FOLH1: variants seen among roughly 807,000 people sequenced by gnomAD.
FOLH1 encodes the protein folate hydrolase 1.
FOLH1 carries 54 observed loss-of-function variants against 93.9 expected under a neutral mutation model. That is an observed-to-expected ratio of 0.57 (90% CI 0.46 to 0.72). The LOEUF (loss-of-function observed/expected upper bound fraction) is 0.72. Among genes scored for constraint, FOLH1 ranks in the 30% least tolerant of loss-of-function variants. The pLI is 0.00. For missense variants in FOLH1, 571 were observed against 892.5 expected (o/e 0.64, Z 4.59); for synonymous variants, 249 against 303.6 (o/e 0.82, Z 1.87).
At chr11:49,151,334 C>T (rs1487926284) in intron 17 of FOLH1, among the ~76,000 whole-genome samples, 1 of 152,138 alleles carries the variant, frequency 6.6e-6, no homozygotes, top group Non-Finnish European at 1.5e-5. Context: ...CAATGGGTTT[C>T]GGAATCAAAT....
intron 17 of FOLH1, 51 bp from the exon 18 acceptor site, chr11:49,148,782 T>C (rs202694): frequency 0.88 from 1,283,053 of 1,450,994 alleles, 567,901 homozygotes; most frequent in South Asian, 0.95. Context: ...ATGTTTCTAC[T>C]CAGAAAATAA....
At chr11:49,170,976 G>T in intron 11 of FOLH1, among the ~76,000 whole-genome samples, 1 of 152,118 alleles carries the variant, frequency 6.6e-6, no homozygotes, top group Non-Finnish European at 1.5e-5. Context: ...TTTGACAATT[G>T]ACATTAAGTG....
Position 49,192,840 on chromosome 11 carries a change from C to G in FOLH1, c.466G>C (p.Asp156His). Residue 156 changes from aspartate to histidine, a missense_variant, in exon 4 of 19, where the codon GAT becomes CAT. Transcript: ENST00000256999. Reference protein sequence around the residue: ...PPPPGYENVSDIVPPFSAFSP... With the variant: ...PPPPGYENVSHIVPPFSAFSP... The stretch of plus-strand genomic sequence containing the variant: ...AAAGCACTGAAAGGTGGTACAATAT[C>G]CGAAACATTTTCATATCCTGGAGGA... The G allele has an allele frequency of 6.2e-7, 1 of 1,606,254 alleles. No homozygotes were observed. Among genetic ancestry groups the G allele is most frequent in the Non-Finnish European group, 8.5e-7 (1 of 1,175,736 alleles).
chr11:49,159,122 T>C (rs1193955843), intron 13 of FOLH1, among the ~76,000 whole-genome samples: 1 of 152,214 alleles, frequency 6.6e-6, no homozygotes, highest in Non-Finnish European at 1.5e-5. Context: ...TGAGCTTTAT[T>C]TTTTTATCTT....
chr11:49,166,619 G>A (rs1462764291), intron 12 of FOLH1, among the ~76,000 whole-genome samples: 1 of 152,162 alleles, frequency 6.6e-6, no homozygotes, highest in Non-Finnish European at 1.5e-5. Context: ...AGAGTAGTTT[G>A]CATTGGGGAG....
In FOLH1 at chr11:49,146,342, C is replaced by T. The variant is rs929470026; in HGVS notation, c.*414G>A. Reference sequence around the variant, plus strand: ...GAGATAGTGATCCTCTCAGCCCAGGCTGGCCAGGTAGGCCGTGAGGCCTCT... The same window carrying T: ...GAGATAGTGATCCTCTCAGCCCAGGTTGGCCAGGTAGGCCGTGAGGCCTCT... On this transcript the variant is annotated 3_prime_UTR_variant, in exon 19 of 19. Coordinates refer to ENST00000256999, the MANE Select transcript of FOLH1 (RefSeq NM_004476.3). Among the ~76,000 whole-genome samples the T allele has an allele frequency of 3.3e-5, 5 of 152,208 alleles. No homozygotes were observed. The highest frequency in any genetic ancestry group is 1.2e-4 in the African/African-American group (5 of 41,462).
At chr11:49,168,500 T>C (rs1858740966) in intron 12 of FOLH1, among the ~76,000 whole-genome samples, 1 of 152,186 alleles carries the variant, frequency 6.6e-6, no homozygotes, top group Non-Finnish European at 1.5e-5. Flanking sequence ...CTCAAGCCTT[T>C]CCTGAAGTTT....
At chr11:49,175,727 T>A (rs932052613) in intron 8 of FOLH1, 132 bp downstream of exon 8, 2 of 718,166 alleles carry the variant, frequency 2.8e-6, no homozygotes, top group Admixed American at 6.4e-5. Flanking sequence ...AGGCAAAAAT[T>A]ACACTGGTTC....
At chr11:49,191,449 A>G (rs1862031259) in intron 4 of FOLH1, among the ~76,000 whole-genome samples, 1 of 152,224 alleles carries the variant, frequency 6.6e-6, no homozygotes, top group Admixed American at 6.5e-5. Flanking sequence ...CAGCAAACCC[A>G]TACAACATGT....
chr11:49,197,839 T>C (rs549446293), intron 3 of FOLH1, among the ~76,000 whole-genome samples: 13 of 151,964 alleles, frequency 8.6e-5, no homozygotes, highest in Non-Finnish European at 1.6e-4. Flanking sequence ...TTTATAGAAA[T>C]AGATGTAAAT....
At chr11:49,170,173 C>A (rs961882200) in intron 11 of FOLH1, among the ~76,000 whole-genome samples, 1 of 152,038 alleles carries the variant, frequency 6.6e-6, no homozygotes, top group Non-Finnish European at 1.5e-5. Context: ...TTATAGCTAA[C>A]GTTTCTGTTA....
At chr11:49,171,839 T>C (rs1859350591) in intron 10 of FOLH1, among the ~76,000 whole-genome samples, 1 of 152,078 alleles carries the variant, frequency 6.6e-6, no homozygotes, top group Admixed American at 6.6e-5. Flanking sequence ...TTATAAACAC[T>C]GACCTTGGAG....
At chr11:49,155,931 T>C (rs891401184) in intron 15 of FOLH1, among the ~76,000 whole-genome samples, 1 of 150,030 alleles carries the variant, frequency 6.7e-6, no homozygotes, top group Non-Finnish European at 1.5e-5. Context: ...AAATCTCACC[T>C]TGAATTATGA....
chr11:49,170,789 C>A (rs568318998), intron 11 of FOLH1, among the ~76,000 whole-genome samples: 1 of 152,256 alleles, frequency 6.6e-6, no homozygotes, highest in African/African-American at 2.4e-5. Flanking sequence ...ATTTAAATGA[C>A]ATGTTTATGG....
intron 3 of FOLH1, among the ~76,000 whole-genome samples, chr11:49,194,833 A>G (rs1862453659): frequency 6.6e-6 from 1 of 152,054 alleles, no homozygotes; most frequent in Non-Finnish European, 1.5e-5. Context: ...CTACATAAGT[A>G]TAAGTCTGTC....
rs768540456 is a variant in FOLH1 at position 49,208,398 on chromosome 11, G to A, written c.12C>T (p.Leu4=). The change falls in exon 1 of 19, where the codon CTC becomes CTT. Residue 4 remains leucine, a synonymous_variant. Transcript: ENST00000256999. ...CCACAGCCGAGTCGGTTTCGTGAAG[G>A]AGATTCCACATCTCGGCGCGAGCAG... The part of the protein sequence containing the change: MWN[L]LHETDSAVAT... 1.1e-5 allele frequency: 18 copies of A among 1,599,838 alleles called. No homozygotes were observed. Among genetic ancestry groups the A allele is most frequent in the South Asian group, 2.2e-5 (2 of 89,942 alleles).
intron 7 of FOLH1, among the ~76,000 whole-genome samples, chr11:49,176,395 G>A (rs1365687015): frequency 2.0e-5 from 3 of 152,156 alleles, no homozygotes; most frequent in African/African-American, 7.2e-5. Context: ...TAAGAAGACA[G>A]GAGGATCAAA....
chr11:49,156,112 T>C (rs971324391), intron 15 of FOLH1, among the ~76,000 whole-genome samples: 1 of 151,910 alleles, frequency 6.6e-6, no homozygotes, highest in Non-Finnish European at 1.5e-5. Context: ...AAGATGTAAC[T>C]TTGCTCCTCA....
chr11:49,196,530 T>C (rs902000825), intron 3 of FOLH1, among the ~76,000 whole-genome samples: 2 of 152,154 alleles, frequency 1.3e-5, no homozygotes, highest in Non-Finnish European at 2.9e-5. Flanking sequence ...AAACATGCTA[T>C]GAGTATAAAC....
Sources: gnomAD v4.1 joint callset for allele counts (sites outside exome capture counted in the v4.1 genomes callset) on GRCh38, gnomAD v4.1.1 for gene constraint, MANE v1.5 for transcripts, NCBI Gene and HGNC (gene_info 2026-07-23, HGNC 2026-07-21) for gene names.